The following CD99L2 variants were observed in gnomAD, a reference collection of about 807,000 sequenced individuals.
CD99L2 encodes the protein CD99 antigen-like protein 2.
Under a neutral mutation model 27.3 loss-of-function variants are expected in CD99L2, and 24 were observed. That is an observed-to-expected ratio of 0.88 (90% CI 0.64 to 1.24). The LOEUF (loss-of-function observed/expected upper bound fraction) is 1.24, where lower values mean the gene tolerates loss of function less well. Ranked by LOEUF, CD99L2 falls within the 50% of genes most tolerant of loss-of-function variation. The probability of loss-of-function intolerance (pLI) is 0.00; values close to 1 mark genes in which losing one functional copy is unlikely to be tolerated. For missense variants in CD99L2, 255 were observed against 221.6 expected (o/e 1.15, Z -0.96); for synonymous variants, 97 against 87.9 (o/e 1.10, Z -0.58).
chrX:150,788,480 C>G (rs1003067454), intron 7 of CD99L2, among the ~76,000 whole-genome samples: 5 of 111,259 alleles, frequency 4.5e-5, no homozygotes, highest in Non-Finnish European at 9.4e-5. Flanking sequence ...CTTAGCTGGT[C>G]ATCCCAAGGG....
rs1450334116 is a variant in CD99L2 at position 150,817,168 on chromosome X, G to A, written c.131-1090C>T. On this transcript the variant is annotated intron_variant, in intron 2 of 10. Coordinates refer to ENST00000370377, the MANE Select transcript of CD99L2 (RefSeq NM_031462.4). ...CATATGTAACTAACCTGCACATTGTGCACATGTACCCTAAAACTTAAAGTA... is the reference window on the plus strand; with the variant it reads ...CATATGTAACTAACCTGCACATTGTACACATGTACCCTAAAACTTAAAGTA... 2.9e-5 allele frequency among the ~76,000 whole-genome samples: 3 copies of A among 102,857 alleles called. No homozygotes were observed. In the East Asian group the frequency reaches 9.2e-4, roughly 32 times the overall value. 89.3% of individuals were successfully genotyped at this position (102,857 alleles called of 115,157 possible). A position where few individuals can be genotyped will look rare whatever the true frequency, so the allele number is the denominator to read the frequency against.
intron 4 of CD99L2, among the ~76,000 whole-genome samples, chrX:150,796,843 G>A (rs2045804784): frequency 8.9e-6 from 1 of 111,862 alleles, no homozygotes; most frequent in African/African-American, 3.2e-5. Context: ...AGAAACAACA[G>A]AAAACAAGAA....
chrX:150,772,186 C>T (rs1334419956), intron 9 of CD99L2, among the ~76,000 whole-genome samples: 4 of 112,820 alleles, frequency 3.5e-5, no homozygotes, highest in East Asian at 2.8e-4. Context: ...GATTCTGGCC[C>T]GGGCCAGGTG....
At position 150,800,978 on chromosome X, in the gene CD99L2, C is replaced by T. The variant is rs1191613673; in HGVS notation, c.278-5492G>A. ...CCTGGGAGGCGGAGGTTACAGTGAG[C>T]CGAGACCACGCCATTGCACTCCAGC... On this transcript the variant is annotated intron_variant, in intron 4 of 10. Transcript: ENST00000370377. Among the ~76,000 whole-genome samples, 3 of 109,309 alleles carry T rather than the reference C, an allele frequency of 2.7e-5. No homozygotes were observed. The Admixed American group carries it at 2.9e-4, about 11-fold the overall frequency. 94.9% of individuals were successfully genotyped at this position (109,309 alleles called of 115,157 possible). A position where few individuals can be genotyped will look rare whatever the true frequency, so the allele number is the denominator to read the frequency against.
At chrX:150,865,549 T>C (rs1557422012) in intron 1 of CD99L2, among the ~76,000 whole-genome samples, 2 of 111,385 alleles carry the variant, frequency 1.8e-5, no homozygotes, top group African/African-American at 6.5e-5. Flanking sequence ...TTGCACACCT[T>C]CCATGGTGAC....
At chrX:150,844,408 C>T (rs1046090166) in intron 1 of CD99L2, among the ~76,000 whole-genome samples, 5 of 111,860 alleles carry the variant, frequency 4.5e-5, no homozygotes, top group Non-Finnish European at 1.9e-5. Context: ...AAAACAACTT[C>T]TCTCCCTTAA....
chrX:150,877,330 G>A (rs782578109), intron 1 of CD99L2, among the ~76,000 whole-genome samples: 1 of 111,268 alleles, frequency 9.0e-6, no homozygotes, highest in South Asian at 3.8e-4. Flanking sequence ...TATCCTTAAT[G>A]TGATAAAAAT....
chrX:150,801,869 A>G (rs2045913144), intron 4 of CD99L2, among the ~76,000 whole-genome samples: 1 of 111,775 alleles, frequency 8.9e-6, no homozygotes, highest in Non-Finnish European at 1.9e-5. Flanking sequence ...GAAAAAAAAT[A>G]CTTTCAGCAA....
intron 1 of CD99L2, among the ~76,000 whole-genome samples, chrX:150,836,900 A>C (rs2046539015): frequency 8.9e-6 from 1 of 112,226 alleles, no homozygotes; most frequent in African/African-American, 3.2e-5. Flanking sequence ...AGTAAAAATA[A>C]AGTATTATAA....
intron 4 of CD99L2, among the ~76,000 whole-genome samples, chrX:150,811,081 A>G (rs1447522196): frequency 1.8e-5 from 2 of 112,160 alleles, no homozygotes; most frequent in Non-Finnish European, 3.8e-5. Flanking sequence ...TCACCAATAA[A>G]AACACAATAA....
At chrX:150,858,583 A>G (rs1304266367) in intron 1 of CD99L2, among the ~76,000 whole-genome samples, 1 of 112,321 alleles carries the variant, frequency 8.9e-6, no homozygotes, top group Non-Finnish European at 1.9e-5. Flanking sequence ...CAAATTAAAC[A>G]ATATGCTCCT....
rs191046723 is a variant in CD99L2 at position 150,854,317 on chromosome X, A to G, written c.68-23024T>C. Among the ~76,000 whole-genome samples the G allele has an allele frequency of 1.3e-4, 14 of 111,913 alleles. No individual in the cohort carries two copies. The East Asian group carries it at 3.9e-3, about 31-fold the overall frequency. ...TTACCTGCCTACTCTGTCTGCCTCC[A>G]CTTTGGGTCATTTAATTATTGCTAC... On this transcript the variant is annotated intron_variant, in intron 1 of 10. Transcript: ENST00000370377.
intron 9 of CD99L2, among the ~76,000 whole-genome samples, chrX:150,774,576 C>A (rs2043517486): frequency 8.9e-6 from 1 of 111,965 alleles, no homozygotes; most frequent in African/African-American, 3.2e-5. Flanking sequence ...GAACAGAAAA[C>A]CCCTGTATTA....
chrX:150,833,774 A>G (rs1557421125), intron 1 of CD99L2, among the ~76,000 whole-genome samples: 15 of 112,002 alleles, frequency 1.3e-4, no homozygotes, highest in Non-Finnish European at 1.9e-5. Flanking sequence ...TACAAAAATT[A>G]ACTCAAAATG....
In CD99L2 at chrX:150,898,644, A is replaced by T; in HGVS notation, c.-56T>A. On this transcript the variant is annotated 5_prime_UTR_variant, in exon 1 of 11. Transcript: ENST00000370377. Reference sequence around the variant, plus strand: ...GCACAGTTAGCGCGAGAGCGCCCGAAGGGGAGGCCGAGGAGGAGCGGGAGG... The same window carrying T: ...GCACAGTTAGCGCGAGAGCGCCCGATGGGGAGGCCGAGGAGGAGCGGGAGG... 9.9e-7 allele frequency: 1 copy of T among 1,013,804 alleles called. No individual in the cohort carries two copies. Among genetic ancestry groups the T allele is most frequent in the Non-Finnish European group, 1.3e-6 (1 of 781,960 alleles). 83.5% of individuals were successfully genotyped at this position (1,013,804 alleles called of 1,213,427 possible). A position where few individuals can be genotyped will look rare whatever the true frequency, so the allele number is the denominator to read the frequency against.
intron 7 of CD99L2, among the ~76,000 whole-genome samples, chrX:150,786,111 T>C (rs1483578221): frequency 8.9e-6 from 1 of 111,863 alleles, no homozygotes; most frequent in African/African-American, 3.3e-5. Context: ...CTCCACATCT[T>C]CATCAACATT....
chrX:150,824,107 GA>G (rs2046286885), intron 2 of CD99L2, among the ~76,000 whole-genome samples: 1 of 68,492 alleles, frequency 1.5e-5, no homozygotes, highest in Non-Finnish European at 2.7e-5. Context: ...AAGGAAGAAG[GA>G]AGAAGGAAGA....
chrX:150,892,221 C>T (rs1420998361), intron 1 of CD99L2, among the ~76,000 whole-genome samples: 2 of 106,422 alleles, frequency 1.9e-5, no homozygotes, highest in Admixed American at 1.0e-4. Flanking sequence ...AACTCCATCT[C>T]GAAGGAAAAA....
intron 2 of CD99L2, among the ~76,000 whole-genome samples, chrX:150,829,855 T>A (rs898016512): frequency 2.7e-5 from 3 of 111,274 alleles, no homozygotes; most frequent in Non-Finnish European, 3.8e-5. Context: ...TTATCATTTT[T>A]TAAAAGAATG....
Sources: gnomAD v4.1 joint callset for allele counts (sites outside exome capture counted in the v4.1 genomes callset) on GRCh38, gnomAD v4.1.1 for gene constraint, MANE v1.5 for transcripts, NCBI Gene and HGNC (gene_info 2026-07-23, HGNC 2026-07-21) for gene names.